SPIDR: variants seen among roughly 807,000 people sequenced by gnomAD.
The protein encoded by SPIDR is DNA repair-scaffolding protein.
Under a neutral mutation model 104.6 loss-of-function variants are expected in SPIDR, and 93 were observed. The observed-to-expected ratio is 0.89, with a 90% CI of 0.75 to 1.06. The LOEUF is 1.06. Ranked by LOEUF, SPIDR falls within the 50% of genes least tolerant of loss-of-function variation. The pLI is 0.00. For synonymous variants in SPIDR, 431 were observed against 416.9 expected, an observed-to-expected ratio of 1.03 and a Z score of -0.41; for missense variants, 1,154 against 1,111.2, an observed-to-expected ratio of 1.04 and a Z score of -0.55.
intron 5 of SPIDR, among the ~76,000 whole-genome samples, chr8:47,366,547 G>T (rs964049350): frequency 6.6e-5 from 10 of 152,190 alleles, no homozygotes; most frequent in Admixed American, 5.2e-4. Context: ...GGCGAGGAAG[G>T]GCAAGTTGTT....
intron 11 of SPIDR, among the ~76,000 whole-genome samples, chr8:47,689,741 G>A (rs1393764407): frequency 6.6e-6 from 1 of 152,190 alleles, no homozygotes; most frequent in Non-Finnish European, 1.5e-5. Flanking sequence ...CTCCGTGACT[G>A]GGGGTGGCAT....
intron 16 of SPIDR, among the ~76,000 whole-genome samples, chr8:47,720,963 A>AG (rs1203070156): frequency 1.3e-5 from 2 of 152,018 alleles, no homozygotes; most frequent in East Asian, 3.9e-4. Flanking sequence ...TTGCCATGTT[A>AG]GCCAGGCTGG....
chr8:47,446,219 A>T (rs1039711676), intron 8 of SPIDR, among the ~76,000 whole-genome samples: 9 of 152,212 alleles, frequency 5.9e-5, no homozygotes, highest in African/African-American at 2.2e-4. Flanking sequence ...TGGTGACTTT[A>T]AATTGAATCC....
chr8:47,590,821 CTA>C (rs2060918547), intron 8 of SPIDR, among the ~76,000 whole-genome samples: 1 of 152,064 alleles, frequency 6.6e-6, no homozygotes, highest in Non-Finnish European at 1.5e-5. Flanking sequence ...TATTTTGAAT[CTA>C]TGTTGTTTGT....
chr8:47,675,614 C>T (rs2076335392), intron 11 of SPIDR, among the ~76,000 whole-genome samples: 1 of 152,032 alleles, frequency 6.6e-6, no homozygotes, highest in South Asian at 2.1e-4. Context: ...AGTTTGAGAC[C>T]AGCCTAGCCA....
intron 8 of SPIDR, among the ~76,000 whole-genome samples, chr8:47,455,065 G>T (rs1254338586): frequency 1.3e-5 from 2 of 152,070 alleles, no homozygotes; most frequent in Non-Finnish European, 2.9e-5. Flanking sequence ...ATTGGTCAAG[G>T]TAGTTGCATA....
intron 10 of SPIDR, among the ~76,000 whole-genome samples, chr8:47,658,670 C>T (rs949278187): frequency 1.3e-5 from 2 of 150,828 alleles, no homozygotes; most frequent in Non-Finnish European, 3.0e-5. Flanking sequence ...CTTGGTGGCT[C>T]ACGCCTGTAA....
intron 2 of SPIDR, 146 bp from the exon 3 acceptor site, chr8:47,283,882 T>G (rs896855647): frequency 3.4e-6 from 2 of 587,162 alleles, no homozygotes; most frequent in African/African-American, 3.7e-5. Flanking sequence ...GAGTACATGC[T>G]TTGGGATTAC....
intron 8 of SPIDR, among the ~76,000 whole-genome samples, chr8:47,557,526 T>C (rs904982854): frequency 2.6e-5 from 4 of 152,180 alleles, no homozygotes; most frequent in African/African-American, 9.7e-5. Flanking sequence ...TTATATAATA[T>C]TTGGTGTATG....
At chr8:47,423,723 G>A (rs1021338042) in intron 7 of SPIDR, among the ~76,000 whole-genome samples, 11 of 152,240 alleles carry the variant, frequency 7.2e-5, no homozygotes, top group African/African-American at 2.4e-4. Context: ...CCCAGATCAT[G>A]CAGGGCCTGG....
At chr8:47,609,196 T>G (rs1161718669) in intron 10 of SPIDR, among the ~76,000 whole-genome samples, 1 of 152,256 alleles carries the variant, frequency 6.6e-6, no homozygotes, top group Non-Finnish European at 1.5e-5. Flanking sequence ...TGTGGAGTTT[T>G]TCACTTTTTT....
At chr8:47,656,138 G>A (rs1010311959) in intron 10 of SPIDR, among the ~76,000 whole-genome samples, 7 of 151,978 alleles carry the variant, frequency 4.6e-5, no homozygotes, top group South Asian at 4.2e-4. Flanking sequence ...CTTCCTAACC[G>A]TACATATTAG....
At chr8:47,316,154 C>G (rs1160751612) in intron 5 of SPIDR, among the ~76,000 whole-genome samples, 4 of 152,122 alleles carry the variant, frequency 2.6e-5, no homozygotes, top group Non-Finnish European at 5.9e-5. Flanking sequence ...AGTACACACA[C>G]TTCATAAATG....
chr8:47,381,057 C>G (rs1750971530), intron 5 of SPIDR, among the ~76,000 whole-genome samples: 1 of 152,146 alleles, frequency 6.6e-6, no homozygotes, highest in South Asian at 2.1e-4. Flanking sequence ...TCCACACAAC[C>G]AGTGAAGTTC....
chr8:47,681,073 A>AAG (rs764673621), intron 11 of SPIDR, among the ~76,000 whole-genome samples: 7 of 152,034 alleles, frequency 4.6e-5, no homozygotes, highest in Non-Finnish European at 7.4e-5. Flanking sequence ...AAAAAACAAA[A>AAG]AGAGAGAGAG....
chr8:47,577,606 C>G (rs1002833259), intron 8 of SPIDR, among the ~76,000 whole-genome samples: 1 of 152,124 alleles, frequency 6.6e-6, no homozygotes, highest in Non-Finnish European at 1.5e-5. Flanking sequence ...GTATGGAGGA[C>G]CAGCTTGAGA....
chr8:47,331,989 C>CTT (rs1289524835), intron 5 of SPIDR, among the ~76,000 whole-genome samples: 28 of 36,322 alleles, frequency 7.7e-4, no homozygotes, highest in African/African-American at 8.0e-4. Flanking sequence ...TTTTTTTTCT[C>CTT]TTTTTTTTTT....
intron 8 of SPIDR, among the ~76,000 whole-genome samples, chr8:47,466,159 C>G (rs954188698): frequency 6.6e-6 from 1 of 152,178 alleles, no homozygotes; most frequent in Admixed American, 6.5e-5. Flanking sequence ...AAACTCAGCA[C>G]TGGGTCAGAT....
At chr8:47,273,862 G>T (rs1354911828) in intron 1 of SPIDR, among the ~76,000 whole-genome samples, 1 of 152,164 alleles carries the variant, frequency 6.6e-6, no homozygotes, top group African/African-American at 2.4e-5. Context: ...TAAGTGTTGG[G>T]ATTAAAGGAG....
Sources: gnomAD v4.1 joint callset for allele counts (sites outside exome capture counted in the v4.1 genomes callset) on GRCh38, gnomAD v4.1.1 for gene constraint, MANE v1.5 for transcripts, NCBI Gene and HGNC (gene_info 2026-07-23, HGNC 2026-07-21) for gene names.